Variants in DLGAP1 observed in about 807,000 individuals in gnomAD.
DLGAP1 encodes the protein disks large-associated protein 1.
In DLGAP1, 11 loss-of-function variants were observed where a neutral mutation model predicts 90.8. That is an observed-to-expected ratio of 0.12 (90% CI 0.08 to 0.20). The LOEUF is 0.20. Among genes scored for constraint, DLGAP1 ranks in the 10% least tolerant of loss-of-function variants. The probability of loss-of-function intolerance (pLI) is 1.00; values close to 1 mark genes in which losing one functional copy is unlikely to be tolerated. For missense variants in DLGAP1, 1,050 were observed against 1,333.8 expected (o/e 0.79, Z 3.31); for synonymous variants, 558 against 540.7 (o/e 1.03, Z -0.44).
At chr18:4,410,086 G>A (rs1292203546) in intron 1 of DLGAP1, among the ~76,000 whole-genome samples, 1 of 152,194 alleles carries the variant, frequency 6.6e-6, no homozygotes, top group Non-Finnish European at 1.5e-5. Flanking sequence ...TGTTCTCACT[G>A]ATATGTGGGA....
chr18:4,171,821 T>G (rs933635771), intron 1 of DLGAP1, among the ~76,000 whole-genome samples: 4 of 152,186 alleles, frequency 2.6e-5, no homozygotes, highest in African/African-American at 9.6e-5. Flanking sequence ...AAAATCTTGA[T>G]TCCCCAGTAT....
chr18:4,178,585 G>A (rs1298842365), intron 1 of DLGAP1, among the ~76,000 whole-genome samples: 1 of 152,076 alleles, frequency 6.6e-6, no homozygotes, highest in East Asian at 1.9e-4. Context: ...ATATGGTTCA[G>A]TAAATATTTT....
intron 2 of DLGAP1, among the ~76,000 whole-genome samples, chr18:4,020,846 G>C (rs1268461759): frequency 6.6e-6 from 1 of 152,164 alleles, no homozygotes; most frequent in Non-Finnish European, 1.5e-5. Context: ...AACCTCCCCA[G>C]ATTGCTCCTG....
chr18:4,227,466 T>G (rs2078215210), intron 1 of DLGAP1, among the ~76,000 whole-genome samples: 1 of 151,934 alleles, frequency 6.6e-6, no homozygotes, highest in Admixed American at 6.6e-5. Flanking sequence ...AAACTAGTCT[T>G]AAGACATTAA....
At chr18:4,355,904 A>G (rs1201165848) in intron 1 of DLGAP1, among the ~76,000 whole-genome samples, 1 of 111,406 alleles carries the variant, frequency 9.0e-6, no homozygotes, top group African/African-American at 2.9e-5. Flanking sequence ...CTCAAAATTT[A>G]TCTACTTGTT....
intron 1 of DLGAP1, among the ~76,000 whole-genome samples, chr18:4,208,807 G>T (rs8092071): frequency 6.6e-6 from 1 of 151,936 alleles, no homozygotes; most frequent in African/African-American, 2.4e-5. Flanking sequence ...GAGAGGTTGG[G>T]GGGGTGGAGA....
At chr18:4,324,529 C>T (rs571756180) in intron 1 of DLGAP1, among the ~76,000 whole-genome samples, 3 of 152,102 alleles carry the variant, frequency 2.0e-5, no homozygotes, top group African/African-American at 7.2e-5. Context: ...AGGCCAATAT[C>T]ATCCAGATAC....
rs552478840 is a variant in DLGAP1, at chr18:4,238,593, A to C, written c.-266-87306T>G. 8.5e-5 allele frequency among the ~76,000 whole-genome samples: 13 copies of C among 152,290 alleles called. No homozygotes were observed. In the East Asian group the frequency reaches 2.3e-3, roughly 27 times the overall value. Reference sequence around the variant, plus strand: ...ATTTTTGGTATCCTTCCTTCAAAAAACTTACTCAGTAACTACTTGCTGAGA... The same window carrying C: ...ATTTTTGGTATCCTTCCTTCAAAAACCTTACTCAGTAACTACTTGCTGAGA... On this transcript the variant is annotated intron_variant, in intron 1 of 12. Coordinates refer to ENST00000315677, the MANE Select transcript of DLGAP1 (RefSeq NM_004746.4).
intron 1 of DLGAP1, among the ~76,000 whole-genome samples, chr18:4,371,165 G>A (rs1288064133): frequency 1.3e-5 from 2 of 152,194 alleles, no homozygotes; most frequent in Non-Finnish European, 2.9e-5. Flanking sequence ...TGAGATATAA[G>A]TGTACATAAG....
At position 3,727,803 on chromosome 18, in the gene DLGAP1, C is replaced by T. The variant is rs1295813002; in HGVS notation, c.1591+1332G>A. On this transcript the variant is annotated intron_variant, in intron 7 of 12. Transcript: ENST00000315677. The surrounding 1 kb of genome is among the most constrained non-coding windows in gnomAD (Gnocchi z 4.7). ...TGTTCTTGGAGAATTTCCTAGTGAGCAAGAATATACGGACATCTACCATCT... is the reference window on the plus strand; with the variant it reads ...TGTTCTTGGAGAATTTCCTAGTGAGTAAGAATATACGGACATCTACCATCT... 6.6e-6 allele frequency: 1 copy of T among 152,108 alleles called. No individual in the cohort carries two copies. Among genetic ancestry groups the T allele is most frequent in the East Asian group, 1.9e-4 (1 of 5,192 alleles). 9.4% of individuals were successfully genotyped at this position (152,108 alleles called of 1,614,324 possible). A position where few individuals can be genotyped will look rare whatever the true frequency, so the allele number is the denominator to read the frequency against.
chr18:3,908,601 A>G (rs1342599007), intron 3 of DLGAP1, among the ~76,000 whole-genome samples: 4 of 152,262 alleles, frequency 2.6e-5, no homozygotes, highest in Non-Finnish European at 4.4e-5. Context: ...TTTTTAATAG[A>G]TACACTATTT....
At chr18:4,008,942 C>T (rs1183567256) in intron 2 of DLGAP1, among the ~76,000 whole-genome samples, 2 of 152,130 alleles carry the variant, frequency 1.3e-5, no homozygotes, top group South Asian at 2.1e-4. Flanking sequence ...CTCGCTCCGT[C>T]GCCCAGGCTG....
rs183268714 is a variant in DLGAP1, at chr18:3,880,125, C to G, written c.-57G>C. On this transcript the variant is annotated 5_prime_UTR_variant, in exon 4 of 13. Coordinates refer to ENST00000315677, the MANE Select transcript of DLGAP1 (RefSeq NM_004746.4). ...ACACCCGGAAGTCAGGCTCCAGACCCGTCTTGGGCAGGGATCTGGGGGAAT... is the reference window on the plus strand; with the variant it reads ...ACACCCGGAAGTCAGGCTCCAGACCGGTCTTGGGCAGGGATCTGGGGGAAT... 1.4e-5 allele frequency: 22 copies of G among 1,527,390 alleles called. No individual in the cohort carries two copies. The highest frequency in any genetic ancestry group is 4.6e-4 in the Middle Eastern group (2 of 4,306). The allele number at this position is 1,527,390 out of a possible 1,614,324, so 94.6% of individuals were successfully genotyped here.
intron 2 of DLGAP1, among the ~76,000 whole-genome samples, chr18:4,066,795 T>C (rs994274860): frequency 1.3e-5 from 2 of 152,048 alleles, no homozygotes; most frequent in African/African-American, 4.8e-5. Flanking sequence ...AGGACAGAAA[T>C]GCCATTCAAC....
At chr18:4,390,144 G>A (rs2082312010) in intron 1 of DLGAP1, among the ~76,000 whole-genome samples, 1 of 142,846 alleles carries the variant, frequency 7.0e-6, no homozygotes, top group African/African-American at 2.6e-5. Flanking sequence ...CCCATACCAT[G>A]TTGGCCCATA....
intron 10 of DLGAP1, among the ~76,000 whole-genome samples, chr18:3,512,888 A>G (rs573905321): frequency 2.6e-5 from 4 of 152,190 alleles, no homozygotes; most frequent in Non-Finnish European, 5.9e-5. Flanking sequence ...AACACTTAAC[A>G]TGAAATCTAC....
At chr18:3,512,869 T>C (rs75222736) in intron 10 of DLGAP1, among the ~76,000 whole-genome samples, 3,189 of 152,334 alleles carry the variant, frequency 0.021, 111 homozygotes, top group African/African-American at 0.072. Context: ...TTTTCTTTAC[T>C]GTGGTAAGAA....
intron 1 of DLGAP1, among the ~76,000 whole-genome samples, chr18:4,423,069 T>C (rs2083076666): frequency 6.6e-6 from 1 of 152,204 alleles, no homozygotes; most frequent in African/African-American, 2.4e-5. Flanking sequence ...TGATATTTTA[T>C]ATACTACTAC....
intron 7 of DLGAP1, among the ~76,000 whole-genome samples, chr18:3,655,104 C>T (rs1330400819): frequency 6.6e-6 from 1 of 152,120 alleles, no homozygotes; most frequent in African/African-American, 2.4e-5. Flanking sequence ...TTCCCACTCC[C>T]CACCTCCATG....
Sources: allele counts gnomAD v4.1 joint callset (sites outside exome capture counted in the v4.1 genomes callset), GRCh38; gene constraint gnomAD v4.1.1; non-coding constraint Gnocchi (gnomAD v3.1); transcripts MANE v1.5; gene names NCBI Gene and HGNC (gene_info 2026-07-23, HGNC 2026-07-21).